SLC1A4: variants seen among roughly 807,000 people sequenced by gnomAD.
The protein encoded by SLC1A4 is neutral amino acid transporter A.
Under a neutral mutation model 37.7 loss-of-function variants are expected in SLC1A4, and 19 were observed. That is an observed-to-expected ratio of 0.50 (90% CI 0.35 to 0.74). The LOEUF (loss-of-function observed/expected upper bound fraction) is 0.74. Ranked by LOEUF, SLC1A4 falls within the 30% of genes least tolerant of loss-of-function variation. The pLI is 0.01. For missense variants in SLC1A4, 570 were observed against 712.9 expected, an observed-to-expected ratio of 0.80 and a Z score of 2.28; for synonymous variants, 299 against 309.8, an observed-to-expected ratio of 0.97 and a Z score of 0.37.
At chr2:65,001,638 C>T (rs564435483) in intron 2 of SLC1A4, 148 bp downstream of exon 2, 3 of 594,960 alleles carry the variant, frequency 5.0e-6, no homozygotes, top group South Asian at 2.3e-5. Flanking sequence ...TCAATGGGTA[C>T]CTAGAGTTAA....
chr2:65,008,779 G>A (rs1673786732), intron 3 of SLC1A4, among the ~76,000 whole-genome samples: 1 of 152,166 alleles, frequency 6.6e-6, no homozygotes, highest in Non-Finnish European at 1.5e-5. Context: ...GTTCTTGTTG[G>A]TTTTCATTTG....
At chr2:65,004,249 T>C (rs994627712) in intron 3 of SLC1A4, among the ~76,000 whole-genome samples, 1 of 151,990 alleles carries the variant, frequency 6.6e-6, no homozygotes, top group African/African-American at 2.4e-5. Context: ...TGTTGATTTA[T>C]TTGTTGTTTG....
chr2:65,002,979 C>A, intron 2 of SLC1A4, among the ~76,000 whole-genome samples: 1 of 152,232 alleles, frequency 6.6e-6, no homozygotes, highest in East Asian at 1.9e-4. Context: ...TCTACTTAAA[C>A]CTCTCATTTT....
At chr2:64,992,224 G>A (rs1419663906) in intron 1 of SLC1A4, among the ~76,000 whole-genome samples, 21 of 152,210 alleles carry the variant, frequency 1.4e-4, no homozygotes, top group East Asian at 5.8e-4. Context: ...GTCCCGCACC[G>A]GGAGCCTCAA....
intron 1 of SLC1A4, chr2:65,001,116 G>A (rs1273713798): frequency 2.7e-5 from 6 of 224,186 alleles, no homozygotes; most frequent in Non-Finnish European, 5.2e-5. Flanking sequence ...GCCCAGCAGC[G>A]CAGGCACAGT....
Position 65,006,634 on chromosome 2 carries a change from A to T in SLC1A4, c.633+2619A>T, listed in dbSNP as rs1263550141. Among the ~76,000 whole-genome samples, 4 of 152,146 alleles carry T rather than the reference A, an allele frequency of 2.6e-5. No homozygotes were observed. The East Asian group carries it at 7.7e-4, about 29-fold the overall frequency. Reference sequence around the variant, plus strand: ...TGTCCCCAAGGTTGGGATATTGGTGACAGAATGAAAAGTCAAGGACCTAGC... The same window carrying T: ...TGTCCCCAAGGTTGGGATATTGGTGTCAGAATGAAAAGTCAAGGACCTAGC... On this transcript the variant is annotated intron_variant, in intron 3 of 7. Transcript: ENST00000234256.
At chr2:64,999,371 G>A (rs1363007361) in intron 1 of SLC1A4, 3 of 152,228 alleles carry the variant, frequency 2.0e-5, no homozygotes, top group African/African-American at 4.8e-5. Context: ...TGCAGGCTGT[G>A]TATGCTGGCC....
At position 65,021,458 on chromosome 2, in the gene SLC1A4, C is replaced by T. The variant is rs1674419672; in HGVS notation, c.*312C>T. ...CAAGAAATCATGGACTCACAGGGTC[C>T]TGTGTGGTTACATCTTGGAAAAAAT... is the stretch of plus-strand genomic sequence containing the variant. On this transcript the variant is annotated 3_prime_UTR_variant, in exon 8 of 8. Transcript: ENST00000234256. 1 of 368,712 alleles carries T rather than the reference C, an allele frequency of 2.7e-6. No homozygotes were observed. Among genetic ancestry groups the T allele is most frequent in the Admixed American group, 4.3e-5 (1 of 23,272 alleles). The allele number at this position is 368,712 out of a possible 1,614,324, so 22.8% of individuals were successfully genotyped here. A position where few individuals can be genotyped will look rare whatever the true frequency, so the allele number is the denominator to read the frequency against.
At chr2:65,013,336 C>G (rs1673997947) in intron 4 of SLC1A4, among the ~76,000 whole-genome samples, 1 of 152,212 alleles carries the variant, frequency 6.6e-6, no homozygotes, top group Admixed American at 6.5e-5. Flanking sequence ...GATTCTCCTG[C>G]CTCAGCCTCC....
At chr2:65,016,317 G>T (rs1159322072) in intron 4 of SLC1A4, 123 bp from the exon 5 acceptor site, 4 of 772,434 alleles carry the variant, frequency 5.2e-6, no homozygotes, top group Non-Finnish European at 9.0e-6. Flanking sequence ...GTTCCTCGGG[G>T]TTATCCTAGG....
rs1674459075 is a variant in SLC1A4, at chr2:65,022,326, G to A, written c.*1180G>A. The A allele has an allele frequency of 6.6e-6, 1 of 152,232 alleles. No homozygotes were observed. The highest frequency in any genetic ancestry group is 2.1e-4 in the South Asian group (1 of 4,826). 9.4% of individuals were successfully genotyped at this position (152,232 alleles called of 1,614,324 possible). A position where few individuals can be genotyped will look rare whatever the true frequency, so the allele number is the denominator to read the frequency against. On this transcript the variant is annotated 3_prime_UTR_variant, in exon 8 of 8. Transcript: ENST00000234256. ...CAATTACCTGCTGACACGGTTCTAAGCTAAGTGAAGGGGAAGATCTGAGAG... is the reference window on the plus strand; with the variant it reads ...CAATTACCTGCTGACACGGTTCTAAACTAAGTGAAGGGGAAGATCTGAGAG...
chr2:64,993,487 G>C (rs1673139097), intron 1 of SLC1A4, among the ~76,000 whole-genome samples: 1 of 152,244 alleles, frequency 6.6e-6, no homozygotes, highest in Non-Finnish European at 1.5e-5. Context: ...TAGAAGCAAT[G>C]AGAAGGGATG....
Position 64,990,168 on chromosome 2 carries a change from C to A in SLC1A4, c.525C>A (p.Ala175=). ...CGGTGGACTCTTTCCTCGACCTGGC[C>A]AGGTAACACTCTCCACCTCTCCCAG... ...KETVDSFLDL[A]RNLFPSNLVV... is the part of the protein sequence containing the mutation. Residue 175 remains alanine (A), a splice_region_variant and synonymous_variant, in exon 1 of 8, where the codon GCC becomes GCA. Coordinates refer to ENST00000234256, the MANE Select transcript of SLC1A4 (RefSeq NM_003038.5). The A allele has an allele frequency of 6.3e-7, 1 of 1,599,042 alleles. No homozygotes were observed. Among genetic ancestry groups the A allele is most frequent in the Non-Finnish European group, 8.5e-7 (1 of 1,171,556 alleles).
At chr2:65,014,844 C>A (rs911024668) in intron 4 of SLC1A4, among the ~76,000 whole-genome samples, 1 of 152,160 alleles carries the variant, frequency 6.6e-6, no homozygotes, top group African/African-American at 2.4e-5. Flanking sequence ...TAAACATCCA[C>A]CAACAGGACG....
chr2:65,002,828 G>A (rs1316537628), intron 2 of SLC1A4, among the ~76,000 whole-genome samples: 1 of 151,832 alleles, frequency 6.6e-6, no homozygotes, highest in African/African-American at 2.4e-5. Flanking sequence ...CGCCCGCCTC[G>A]GCCTCCCAAA....
chr2:65,023,703 A>T lies in SLC1A4; in HGVS notation c.*2557A>T, dbSNP rs1483574867. 1 of 152,576 alleles carries T rather than the reference A, an allele frequency of 6.6e-6. No homozygotes were observed. The highest frequency in any genetic ancestry group is 2.1e-4 in the South Asian group (1 of 4,824). The allele number at this position is 152,576 out of a possible 1,614,324, so 9.5% of individuals were successfully genotyped here. ...GACCAGGGGTTACGTGACTGGGGAA[A>T]ATCTCACATCTCCTTGTCTGAAAAC... On this transcript the variant is annotated 3_prime_UTR_variant, in exon 8 of 8. Coordinates refer to ENST00000234256, the MANE Select transcript of SLC1A4 (RefSeq NM_003038.5).
At chr2:65,009,603 A>G (rs1394371596) in intron 3 of SLC1A4, among the ~76,000 whole-genome samples, 1 of 152,234 alleles carries the variant, frequency 6.6e-6, no homozygotes, top group Non-Finnish European at 1.5e-5. Flanking sequence ...TTTGCCAGAC[A>G]CTTGGGCTAG....
At chr2:65,012,547 C>A (rs1472775763) in intron 4 of SLC1A4, among the ~76,000 whole-genome samples, 2 of 152,102 alleles carry the variant, frequency 1.3e-5, no homozygotes, top group Non-Finnish European at 2.9e-5. Flanking sequence ...AAGTTTAGAC[C>A]CCCTACCAGT....
Position 65,004,032 on chromosome 2 carries a change from G to A in SLC1A4, c.633+17G>A. ...CATGAAAAGGTAAAGCTTTTTATAA[G>A]GTCACTTGTAAAAATATGTCTAAAA... On this transcript the variant is annotated intron_variant, in intron 3 of 7. Coordinates refer to ENST00000234256, the MANE Select transcript of SLC1A4 (RefSeq NM_003038.5). 4 of 1,590,304 alleles carry A rather than the reference G, an allele frequency of 2.5e-6. No individual in the cohort carries two copies. The highest frequency in any genetic ancestry group is 3.5e-6 in the Non-Finnish European group (4 of 1,158,410).
Sources: gnomAD v4.1 joint callset for allele counts (sites outside exome capture counted in the v4.1 genomes callset) on GRCh38, gnomAD v4.1.1 for gene constraint, MANE v1.5 for transcripts, NCBI Gene and HGNC (gene_info 2026-07-23, HGNC 2026-07-21) for gene names.